Variants in FAM13C observed in about 807,000 individuals in gnomAD.
FAM13C encodes protein FAM13C.
A neutral mutation model predicts 73.2 loss-of-function variants in FAM13C; 37 were observed. The ratio of observed to expected loss-of-function variants is 0.51; its 90% CI spans 0.39 to 0.67. The LOEUF (loss-of-function observed/expected upper bound fraction) is 0.67. Ranked by LOEUF, FAM13C falls within the 30% of genes least tolerant of loss-of-function variation. FAM13C has a pLI of 0.00. For missense variants in FAM13C, 589 were observed against 715.6 expected (o/e 0.82, Z 2.02); for synonymous variants, 246 against 260.9 (o/e 0.94, Z 0.55).
intron 3 of FAM13C, among the ~76,000 whole-genome samples, chr10:59,336,569 G>T (rs1045078402): frequency 6.6e-6 from 1 of 152,154 alleles, no homozygotes; most frequent in Admixed American, 6.5e-5. Context: ...CACCCCAGTT[G>T]TGCCCATGTC....
intron 3 of FAM13C, among the ~76,000 whole-genome samples, chr10:59,338,193 A>T (rs569447856): frequency 1.3e-5 from 2 of 152,232 alleles, no homozygotes; most frequent in African/African-American, 4.8e-5. Flanking sequence ...TAGATGCTTC[A>T]CTGGGATGCA....
At chr10:59,361,527 A>G in intron 1 of FAM13C, among the ~76,000 whole-genome samples, 1 of 152,182 alleles carries the variant, frequency 6.6e-6, no homozygotes, top group East Asian at 1.9e-4. Context: ...AAAGATGTTT[A>G]GAGTGGCTTC....
intron 1 of FAM13C, among the ~76,000 whole-genome samples, chr10:59,356,425 G>A (rs528928308): frequency 3.7e-4 from 56 of 152,164 alleles, no homozygotes; most frequent in Non-Finnish European, 6.5e-4. Flanking sequence ...AAAACTTCCG[G>A]ATTAACTTTA....
At chr10:59,264,722 C>A (rs1411244993) in intron 8 of FAM13C, among the ~76,000 whole-genome samples, 1 of 152,126 alleles carries the variant, frequency 6.6e-6, no homozygotes. Flanking sequence ...TAAAACCTGA[C>A]AATATTCCCG....
chr10:59,283,550 G>A, intron 5 of FAM13C, 103 bp from the exon 6 acceptor site: 1 of 1,112,292 alleles, frequency 9.0e-7, no homozygotes, highest in Non-Finnish European at 1.4e-6. Flanking sequence ...CTAAGTAGAT[G>A]CCTAACACAC....
At chr10:59,279,114 A>G (rs1179011854) in intron 6 of FAM13C, among the ~76,000 whole-genome samples, 1 of 152,240 alleles carries the variant, frequency 6.6e-6, no homozygotes, top group Non-Finnish European at 1.5e-5. Flanking sequence ...CGTGTTCTAT[A>G]AAGTATTACT....
chr10:59,324,310 A>G (rs534695126), intron 3 of FAM13C, among the ~76,000 whole-genome samples: 8 of 152,294 alleles, frequency 5.3e-5, no homozygotes, highest in Admixed American at 2.0e-4. Flanking sequence ...CAGAATAAAG[A>G]CAAAAATCAT....
chr10:59,299,131 G>C (rs561342175), intron 5 of FAM13C, among the ~76,000 whole-genome samples: 1 of 152,178 alleles, frequency 6.6e-6, no homozygotes, highest in Admixed American at 6.5e-5. Flanking sequence ...TCATCACAAA[G>C]AACTGATACA....
rs536745448 is a variant in FAM13C at position 59,313,955 on chromosome 10, T to G, written c.443+10033A>C. On this transcript the variant is annotated intron_variant, in intron 4 of 13. Coordinates refer to ENST00000618804, the MANE Select transcript of FAM13C (RefSeq NM_198215.4). The stretch of plus-strand genomic sequence containing the variant: ...ATGAGTTCAGCACTGTGCTGAAAAC[T>G]GCACAGTCAAAAGAATTACAGAAAA... Among the ~76,000 whole-genome samples, 8 of 152,294 alleles carry G rather than the reference T, an allele frequency of 5.3e-5. No homozygotes were observed. The East Asian group carries it at 1.5e-3, about 29-fold the overall frequency.
chr10:59,331,942 C>T lies in FAM13C; in HGVS notation c.325-7836G>A, dbSNP rs944301306. On this transcript the variant is annotated intron_variant, in intron 3 of 13. Coordinates refer to ENST00000618804, the MANE Select transcript of FAM13C (RefSeq NM_198215.4). Reference sequence around the variant, plus strand: ...TTCATGGAGAGTTGGGTATGAAGGACCCATGCAGCATCTAAGTAGGCAATG... The same window carrying T: ...TTCATGGAGAGTTGGGTATGAAGGATCCATGCAGCATCTAAGTAGGCAATG... Among the ~76,000 whole-genome samples the T allele has an allele frequency of 5.9e-5, 9 of 152,102 alleles. No individual in the cohort carries two copies. The Middle Eastern group carries it at 0.01, about 172-fold the overall frequency.
intron 8 of FAM13C, among the ~76,000 whole-genome samples, chr10:59,265,522 G>T (rs1010334876): frequency 1.8e-4 from 27 of 152,046 alleles, no homozygotes; most frequent in Non-Finnish European, 2.6e-4. Context: ...AAAATCCTTA[G>T]AGAATTCTCC....
intron 4 of FAM13C, among the ~76,000 whole-genome samples, chr10:59,304,697 C>T (rs1373002120): frequency 1.4e-5 from 2 of 145,168 alleles, no homozygotes; most frequent in Non-Finnish European, 3.0e-5. Flanking sequence ...AACAAACCCG[C>T]ATGACACAAG....
intron 8 of FAM13C, 91 bp downstream of exon 8, chr10:59,268,462 A>C: frequency 6.5e-7 from 1 of 1,547,628 alleles, no homozygotes; most frequent in Non-Finnish European, 8.8e-7. Context: ...CCCCTGGCAA[A>C]GAAGGGCACC....
At chr10:59,267,786 C>T (rs558299747) in intron 8 of FAM13C, among the ~76,000 whole-genome samples, 1 of 152,240 alleles carries the variant, frequency 6.6e-6, no homozygotes, top group African/African-American at 2.4e-5. Flanking sequence ...TCCCTGTTCT[C>T]TTTTATTCTA....
chr10:59,284,259 A>G (rs1382014261), intron 5 of FAM13C, among the ~76,000 whole-genome samples: 1 of 152,068 alleles, frequency 6.6e-6, no homozygotes, highest in Non-Finnish European at 1.5e-5. Flanking sequence ...ATACAGATTG[A>G]CGCATGCATC....
At chr10:59,358,954 T>G (rs1856053097) in intron 1 of FAM13C, among the ~76,000 whole-genome samples, 1 of 152,244 alleles carries the variant, frequency 6.6e-6, no homozygotes, top group South Asian at 2.1e-4. Flanking sequence ...TTAGTTCATT[T>G]GAGTTCTCAT....
At chr10:59,349,641 T>TA (rs1193852330) in intron 3 of FAM13C, among the ~76,000 whole-genome samples, 15 of 151,102 alleles carry the variant, frequency 9.9e-5, no homozygotes, top group Non-Finnish European at 1.9e-4. Flanking sequence ...CACATGCCCG[T>TA]AGTCTCCATT....
intron 3 of FAM13C, among the ~76,000 whole-genome samples, chr10:59,351,797 C>T (rs186239696): frequency 1.3e-5 from 2 of 152,102 alleles, no homozygotes; most frequent in Admixed American, 1.3e-4. Context: ...TGTTGGAGAC[C>T]AGCCTGGCCA....
chr10:59,357,853 A>C (rs757257453), intron 1 of FAM13C, among the ~76,000 whole-genome samples: 39 of 152,240 alleles, frequency 2.6e-4, no homozygotes, highest in Non-Finnish European at 4.7e-4. Flanking sequence ...GACAAAAATA[A>C]AGCAAATAAA....
Sources: gnomAD v4.1 joint callset for allele counts (sites outside exome capture counted in the v4.1 genomes callset) on GRCh38, gnomAD v4.1.1 for gene constraint, MANE v1.5 for transcripts, NCBI Gene and HGNC (gene_info 2026-07-23, HGNC 2026-07-21) for gene names.